The following HIPK2 variants were observed in gnomAD, a reference collection of about 807,000 sequenced individuals.
HIPK2 encodes the protein homeodomain-interacting protein kinase 2.
Under a neutral mutation model 113.7 loss-of-function variants are expected in HIPK2, and 27 were observed. The observed-to-expected ratio is 0.24, with a 90% CI of 0.17 to 0.33. HIPK2 has a LOEUF of 0.33. Among genes scored for constraint, HIPK2 ranks in the 10% least tolerant of loss-of-function variants. The probability of loss-of-function intolerance (pLI) is 1.00; values close to 1 mark genes in which losing one functional copy is unlikely to be tolerated. For missense variants in HIPK2, 1,257 were observed against 1,588.0 expected (o/e 0.79, Z 3.54); for synonymous variants, 631 against 642.2 (o/e 0.98, Z 0.26).
At chr7:139,598,442 G>A (rs528296946) in intron 11 of HIPK2, among the ~76,000 whole-genome samples, 12 of 152,158 alleles carry the variant, frequency 7.9e-5, no homozygotes, top group South Asian at 2.1e-4. Context: ...TGTATTTGTC[G>A]TTGCTAATAC....
At chr7:139,600,736 C>A in intron 10 of HIPK2, 140 bp from the exon 11 acceptor site, 1 of 921,842 alleles carries the variant, frequency 1.1e-6, no homozygotes. Context: ...AAGGGATGAG[C>A]CTGGCCATGT....
In HIPK2 at chr7:139,570,289, G is replaced by GA. The variant is rs939731072; in HGVS notation, c.*2637_*2638insT. ...GCTGACCCAGCTGTGGGGCGGGGGG[G>GA]GGTCCTCTGGCTTCTGTGTCCTCTG... On this transcript the variant is annotated 3_prime_UTR_variant, in exon 15 of 15. Transcript: ENST00000406875. 5.9e-5 allele frequency: 9 copies of GA among 151,600 alleles called. No homozygotes were observed. Among genetic ancestry groups the GA allele is most frequent in the Non-Finnish European group, 1.2e-4 (8 of 68,350 alleles). The allele number at this position is 151,600 out of a possible 1,614,324, so 9.4% of individuals were successfully genotyped here.
chr7:139,646,286 A>G (rs28546079), intron 2 of HIPK2, among the ~76,000 whole-genome samples: 3 of 151,864 alleles, frequency 2.0e-5, no homozygotes, highest in African/African-American at 7.3e-5. Context: ...ACTTGAGGCC[A>G]GGAGTTCAAG....
intron 2 of HIPK2, among the ~76,000 whole-genome samples, chr7:139,665,735 T>G (rs1367793422): frequency 6.6e-6 from 1 of 152,190 alleles, no homozygotes; most frequent in Admixed American, 6.5e-5. Flanking sequence ...CACTTTTTCT[T>G]CCATGCATGC....
chr7:139,604,924 C>A (rs749351378), intron 9 of HIPK2, among the ~76,000 whole-genome samples: 4 of 152,140 alleles, frequency 2.6e-5, no homozygotes, highest in Non-Finnish European at 5.9e-5. Context: ...ACCGCTGGCC[C>A]TCAAGAAGCT....
intron 2 of HIPK2, among the ~76,000 whole-genome samples, chr7:139,643,862 C>T (rs1364488864): frequency 2.0e-5 from 3 of 152,216 alleles, no homozygotes; most frequent in Admixed American, 6.5e-5. Context: ...ACTCCTGACA[C>T]GTGCTGTGCC....
intron 1 of HIPK2, among the ~76,000 whole-genome samples, chr7:139,733,127 T>C (rs987243544): frequency 5.9e-5 from 9 of 152,198 alleles, no homozygotes; most frequent in African/African-American, 1.9e-4. Flanking sequence ...CCTTCCACCA[T>C]GACTGTAAGT....
At chr7:139,632,111 CA>C (rs1398660560) in intron 2 of HIPK2, among the ~76,000 whole-genome samples, 1 of 152,214 alleles carries the variant, frequency 6.6e-6, no homozygotes, top group African/African-American at 2.4e-5. Flanking sequence ...CTGGTTTTTA[CA>C]AAGGAGTTCT....
chr7:139,726,913 G>A (rs1429864998), intron 1 of HIPK2, among the ~76,000 whole-genome samples: 1 of 152,240 alleles, frequency 6.6e-6, no homozygotes, highest in Non-Finnish European at 1.5e-5. Context: ...GAATGGTGCT[G>A]CTGACGGTAA....
Position 139,626,590 on chromosome 7 carries a change from A to G in HIPK2, c.1619+11T>C. Reference sequence around the variant, plus strand: ...CGATCCCTGGTACGAAGCATCAGGCAGGACACCTACTGTGTGCTGTGGGGA... The same window carrying G: ...CGATCCCTGGTACGAAGCATCAGGCGGGACACCTACTGTGTGCTGTGGGGA... On this transcript the variant is annotated intron_variant, in intron 6 of 14. Coordinates refer to ENST00000406875, the MANE Select transcript of HIPK2 (RefSeq NM_022740.5). 1 of 1,611,412 alleles carries G rather than the reference A, an allele frequency of 6.2e-7. No individual in the cohort carries two copies. The highest frequency in any genetic ancestry group is 2.2e-5 in the East Asian group (1 of 44,802).
intron 2 of HIPK2, among the ~76,000 whole-genome samples, chr7:139,664,178 A>G (rs1319879174): frequency 1.3e-5 from 2 of 152,218 alleles, no homozygotes; most frequent in African/African-American, 4.8e-5. Context: ...TCTCATGTTA[A>G]TCTCACTTTG....
chr7:139,755,585 T>C (rs1015121), intron 1 of HIPK2, among the ~76,000 whole-genome samples: 17,239 of 152,304 alleles, frequency 0.11, 1,176 homozygotes, highest in Non-Finnish European at 0.16. Flanking sequence ...TCTTCCTTTT[T>C]TCTCCCTCAA....
At chr7:139,608,976 A>G (rs1377799295) in intron 9 of HIPK2, among the ~76,000 whole-genome samples, 1 of 152,242 alleles carries the variant, frequency 6.6e-6, no homozygotes, top group Non-Finnish European at 1.5e-5. Flanking sequence ...GGTTCAGGTG[A>G]TATGATTTGA....
intron 2 of HIPK2, among the ~76,000 whole-genome samples, chr7:139,645,153 A>T (rs1801163415): frequency 6.6e-6 from 1 of 152,152 alleles, no homozygotes; most frequent in African/African-American, 2.4e-5. Flanking sequence ...CCGAATCCCC[A>T]ACTCTCAGAT....
At chr7:139,628,760 T>C (rs940409900) in intron 5 of HIPK2, among the ~76,000 whole-genome samples, 193 bp downstream of exon 5, 5 of 152,182 alleles carry the variant, frequency 3.3e-5, no homozygotes, top group Non-Finnish European at 7.4e-5. Context: ...AAGGAGCTGG[T>C]ATGAAGTTTT....
chr7:139,728,170 T>A (rs1370732824), intron 1 of HIPK2, among the ~76,000 whole-genome samples: 1 of 152,132 alleles, frequency 6.6e-6, no homozygotes, highest in East Asian at 1.9e-4. Context: ...CTCGAACTCC[T>A]GGGCTCAAGC....
At chr7:139,604,013 T>C (rs932766850) in intron 10 of HIPK2, 68 bp downstream of exon 10, 3 of 1,603,160 alleles carry the variant, frequency 1.9e-6, no homozygotes, top group East Asian at 2.2e-5. Flanking sequence ...CTGGCAGCCC[T>C]GTGTTGGCAG....
At position 139,631,710 on chromosome 7, in the gene HIPK2, G is replaced by A. The variant is rs1273917173; in HGVS notation, c.1119C>T (p.Ile373=). Residue 373 remains isoleucine, a synonymous_variant, in exon 3 of 15, where the codon ATC becomes ATT. Coordinates refer to ENST00000406875, the MANE Select transcript of HIPK2 (RefSeq NM_022740.5). This position sits in a 1 kb window ranked among gnomAD's most constrained non-coding sequence, Gnocchi z 4.9. ...QSRYYRAPEI[I]LGLPFCEAID... ...TTGCCTCACAAAATGGTAAACCAAG[G>A]ATGATCTCAGGGGCCCTGAAAAGGA... is the stretch of plus-strand genomic sequence containing the variant. 5 of 1,613,744 alleles carry A rather than the reference G, an allele frequency of 3.1e-6. No individual in the cohort carries two copies. Among genetic ancestry groups the A allele is most frequent in the Admixed American group, 1.7e-5 (1 of 59,976 alleles).
chr7:139,747,902 A>G (rs1369448735), intron 1 of HIPK2, among the ~76,000 whole-genome samples: 4 of 152,212 alleles, frequency 2.6e-5, no homozygotes, highest in Admixed American at 1.3e-4. Flanking sequence ...GCCACATTTC[A>G]AGTGCTTACT....
Sources: allele counts gnomAD v4.1 joint callset (sites outside exome capture counted in the v4.1 genomes callset), GRCh38; gene constraint gnomAD v4.1.1; non-coding constraint Gnocchi (gnomAD v3.1); transcripts MANE v1.5; gene names NCBI Gene and HGNC (gene_info 2026-07-23, HGNC 2026-07-21).